Variants in NEK7 observed in about 807,000 individuals in gnomAD.
NEK7 encodes serine/threonine-protein kinase Nek7.
Under a neutral mutation model 44.6 loss-of-function variants are expected in NEK7, and 18 were observed. The observed-to-expected ratio is 0.40, with a 90% CI of 0.28 to 0.60. The LOEUF (loss-of-function observed/expected upper bound fraction) is 0.60. Among genes scored for constraint, NEK7 ranks in the 20% least tolerant of loss-of-function variants. The pLI, the probability that NEK7 is intolerant of heterozygous loss-of-function variation, is 0.38. For synonymous variants in NEK7, 130 were observed against 121.1 expected, an observed-to-expected ratio of 1.07 and a Z score of -0.48; for missense variants, 256 against 366.5, an observed-to-expected ratio of 0.70 and a Z score of 2.46.
intron 1 of NEK7, among the ~76,000 whole-genome samples, chr1:198,223,971 T>C (rs144975066): frequency 1.9e-3 from 296 of 152,310 alleles, no homozygotes; most frequent in African/African-American, 6.6e-3. Context: ...TTTAAGAGTA[T>C]GAAGGCTCAT....
chr1:198,174,784 G>T (rs1010953140), intron 1 of NEK7, among the ~76,000 whole-genome samples: 1 of 151,958 alleles, frequency 6.6e-6, no homozygotes, highest in Non-Finnish European at 1.5e-5. Flanking sequence ...GGGGGACAGG[G>T]TCTTGCTCTG....
At position 198,314,863 on chromosome 1, in the gene NEK7, T is replaced by G. The variant is rs555017030; in HGVS notation, c.799-4549T>G. Among the ~76,000 whole-genome samples, 420 of 152,316 alleles carry G rather than the reference T, an allele frequency of 2.8e-3. 2 individuals carry two copies. The highest frequency in any genetic ancestry group is 4.2e-3 in the Admixed American group (64 of 15,308). On this transcript the variant is annotated intron_variant, in intron 9 of 9. Transcript: ENST00000367385. ...CTGTCAGACAGGGACATTTAAGTCT[T>G]CAGAGGTTACTGCTGTCCTTTTGTT...
intron 3 of NEK7, chr1:198,256,237 AG>A (rs1653258961): frequency 3.6e-6 from 5 of 1,381,760 alleles, no homozygotes; most frequent in Non-Finnish European, 4.7e-6. Flanking sequence ...TTAGTTTTTA[AG>A]GCCCTTCCCT....
chr1:198,182,679 T>TA (rs1664803320), intron 1 of NEK7, among the ~76,000 whole-genome samples: 1 of 152,232 alleles, frequency 6.6e-6, no homozygotes, highest in South Asian at 2.1e-4. Flanking sequence ...TTCTTTGTTT[T>TA]ATTACGTGCT....
intron 2 of NEK7, among the ~76,000 whole-genome samples, chr1:198,251,983 A>G (rs1653019818): frequency 6.6e-6 from 1 of 151,464 alleles, no homozygotes; most frequent in Non-Finnish European, 1.5e-5. Flanking sequence ...TCAGTTTTGG[A>G]TCTTTCCTGG....
Position 198,314,165 on chromosome 1 carries a change from C to T in NEK7, c.799-5247C>T, listed in dbSNP as rs1053136300. ...TCTTTTTTCTCTAAACTTCCCTTCT[C>T]GCTTCATTTCATTCATTTCATCTTC... On this transcript the variant is annotated intron_variant, in intron 9 of 9. Transcript: ENST00000367385. 2.2e-3 allele frequency among the ~76,000 whole-genome samples: 330 copies of T among 152,218 alleles called. 1 individual carries two copies. Among genetic ancestry groups the T allele is most frequent in the Non-Finnish European group, 3.6e-3 (243 of 68,022 alleles).
At chr1:198,220,206 C>T (rs928646179) in intron 1 of NEK7, among the ~76,000 whole-genome samples, 2 of 151,834 alleles carry the variant, frequency 1.3e-5, no homozygotes, top group Non-Finnish European at 2.9e-5. Context: ...CAAATGTGGC[C>T]GATGGGAACC....
At chr1:198,170,144 C>G (rs1664394286) in intron 1 of NEK7, among the ~76,000 whole-genome samples, 1 of 152,148 alleles carries the variant, frequency 6.6e-6, no homozygotes, top group Admixed American at 6.5e-5. Flanking sequence ...TGGTCACTGT[C>G]AGGATATTCA....
intron 2 of NEK7, among the ~76,000 whole-genome samples, chr1:198,238,129 C>T (rs1666586212): frequency 6.6e-6 from 1 of 152,164 alleles, no homozygotes; most frequent in Admixed American, 6.5e-5. Context: ...TAACCACCTA[C>T]ATTCTCCCTT....
chr1:198,220,344 A>G (rs563808314), intron 1 of NEK7, among the ~76,000 whole-genome samples: 19 of 152,052 alleles, frequency 1.2e-4, no homozygotes, highest in African/African-American at 4.3e-4. Flanking sequence ...AGAACCAATC[A>G]TCTCTCCAAA....
intron 9 of NEK7, among the ~76,000 whole-genome samples, chr1:198,300,002 G>C (rs886242223): frequency 3.9e-5 from 6 of 152,102 alleles, no homozygotes; most frequent in African/African-American, 1.4e-4. Flanking sequence ...CAAATAATTA[G>C]GGTTCTGGAT....
intron 1 of NEK7, among the ~76,000 whole-genome samples, chr1:198,231,299 G>GTATATATATATATATATA (rs1375044919): frequency 1.5e-4 from 15 of 98,248 alleles, no homozygotes; most frequent in African/African-American, 5.6e-4. Context: ...GTATGTGTGT[G>GTATATATATATATATATA]TGTATATATA....
At chr1:198,298,063 A>G (rs1320345740) in intron 9 of NEK7, among the ~76,000 whole-genome samples, 1 of 152,210 alleles carries the variant, frequency 6.6e-6, no homozygotes, top group Non-Finnish European at 1.5e-5. Context: ...TCTCAGGTCA[A>G]CTAAAATGTT....
At position 198,253,245 on chromosome 1, in the gene NEK7, G is replaced by GTA. The variant is rs371447145; in HGVS notation, c.198+69_198+70dup. The GTA allele has an allele frequency of 9.4e-4, 1,043 of 1,111,074 alleles. 9 individuals carry two copies. The African/African-American group carries it at 0.015, about 16-fold the overall frequency. The allele number at this position is 1,111,074 out of a possible 1,614,324, so 68.8% of individuals were successfully genotyped here. A position where few individuals can be genotyped will look rare whatever the true frequency, so the allele number is the denominator to read the frequency against. ...ACTATGTGAATTATAGATGAGAAAAGTATATCCTGAATGATTGGGTACTGA... is the reference window on the plus strand; with the variant it reads ...ACTATGTGAATTATAGATGAGAAAAGTATATATCCTGAATGATTGGGTACTGA... On this transcript the variant is annotated intron_variant, in intron 3 of 9. Transcript: ENST00000367385.
chr1:198,159,088 G>A (rs1458297216), intron 1 of NEK7, among the ~76,000 whole-genome samples: 1 of 152,196 alleles, frequency 6.6e-6, no homozygotes, highest in Non-Finnish European at 1.5e-5. Flanking sequence ...GGACCCTCCC[G>A]GAGGTGCGGG....
chr1:198,307,064 G>A (rs1203390921), intron 9 of NEK7, among the ~76,000 whole-genome samples: 2 of 152,096 alleles, frequency 1.3e-5, no homozygotes, highest in African/African-American at 4.8e-5. Flanking sequence ...AGAAGGGAAT[G>A]TAAATGTATA....
At chr1:198,171,695 A>G (rs951040062) in intron 1 of NEK7, among the ~76,000 whole-genome samples, 1 of 151,324 alleles carries the variant, frequency 6.6e-6, no homozygotes, top group Non-Finnish European at 1.5e-5. Context: ...AAAAAAAATC[A>G]AAAACCTTTA....
chr1:198,279,047 C>T lies in NEK7; in HGVS notation c.575C>T (p.Ala192Val). ...CGGTTTTTCAGCTCAAAAACCACAG[C>T]TGCACATTCTTTAGGTAAGAGACAC... ...LGRFFSSKTT[A>V]AHSLVGTPYY... Residue 192 changes from alanine to valine, a missense_variant, in exon 7 of 10, where the codon GCT becomes GTT. By Grantham distance (64) the Ala-to-Val change is moderately conservative (BLOSUM62 0). Around this residue, in one of 3 missense-constraint regions of NEK7, gnomAD observed 102 missense variants for 205.2 expected, o/e 0.50. Transcript: ENST00000367385. The T allele has an allele frequency of 6.2e-7, 1 of 1,601,772 alleles. No homozygotes were observed. The highest frequency in any genetic ancestry group is 1.3e-5 in the African/African-American group (1 of 74,652).
intron 3 of NEK7, among the ~76,000 whole-genome samples, chr1:198,258,416 A>G (rs1422756876): frequency 6.6e-6 from 1 of 152,128 alleles, no homozygotes; most frequent in Non-Finnish European, 1.5e-5. Flanking sequence ...TCCAGCCTGG[A>G]GACAAAGCAA....
Sources: gnomAD v4.1 joint callset for allele counts (sites outside exome capture counted in the v4.1 genomes callset) on GRCh38, gnomAD v4.1.1 for gene constraint, gnomAD v4.1.1 regional missense constraint, MANE v1.5 for transcripts, NCBI Gene and HGNC (gene_info 2026-07-23, HGNC 2026-07-21) for gene names.